Variants in PASK observed in about 807,000 individuals in gnomAD.
The protein encoded by PASK is PAS domain containing serine/threonine kinase, also known as PAS domain-containing serine/threonine-protein kinase.
In PASK, 110 loss-of-function variants were observed where a neutral mutation model predicts 121.0. The observed-to-expected ratio is 0.91, with a 90% CI of 0.78 to 1.06. The LOEUF (loss-of-function observed/expected upper bound fraction) is 1.06, where lower values mean the gene tolerates loss of function less well. Ranked by LOEUF, PASK falls within the 50% of genes least tolerant of loss-of-function variation. PASK has a pLI of 0.00. For synonymous variants in PASK, 686 were observed against 717.8 expected, an observed-to-expected ratio of 0.96 and a Z score of 0.71; for missense variants, 1,643 against 1,702.3, an observed-to-expected ratio of 0.97 and a Z score of 0.61.
chr2:241,123,841 A>C, intron 11 of PASK, 108 bp downstream of exon 11: 1 of 952,386 alleles, frequency 1.0e-6, no homozygotes, highest in East Asian at 2.6e-5. Context: ...AAAAAGCTAC[A>C]AACAGACTGT....
rs1244235315 is a variant in PASK at position 241,138,747 on chromosome 2, CCA to C, written c.646_647del (p.Trp216AspfsTer38). Reference sequence around the variant, plus strand: ...GGCGCTCCTGCCGCATCCTCTTCATCCACACAGACACTGGAATCTTCTCCCCA... The same window carrying C: ...GGCGCTCCTGCCGCATCCTCTTCATCCACAGACACTGGAATCTTCTCCCCA... ...RSGEKIPVSV[W>X]MKRMRQERRL... On this transcript the variant is annotated frameshift_variant, in exon 5 of 18. Coordinates refer to ENST00000234040, the MANE Select transcript of PASK (RefSeq NM_015148.4). LOFTEE classifies it high-confidence loss of function. The C allele has an allele frequency of 6.2e-7, 1 of 1,614,120 alleles. No individual in the cohort carries two copies. The highest frequency in any genetic ancestry group is 8.5e-7 in the Non-Finnish European group (1 of 1,179,976).
rs775645884 is a variant in PASK at position 241,108,189 on chromosome 2, G to A, written c.3645C>T (p.His1215=). The A allele has an allele frequency of 6.2e-7, 1 of 1,613,960 alleles. No individual in the cohort carries two copies. Among genetic ancestry groups the A allele is most frequent in the Non-Finnish European group, 8.5e-7 (1 of 1,180,006 alleles). The change falls in exon 16 of 18, where the codon CAC becomes CAT. Residue 1215 remains histidine (H), a synonymous_variant. Transcript: ENST00000234040. This position sits in a 1 kb window ranked among gnomAD's most constrained non-coding sequence, Gnocchi z 5.2. ...ELEETVEAAI[H]PPYLVSKELM... Reference sequence around the variant, plus strand: ...CACCTTTGGACACCAGGTATGGCGGGTGTATGGCAGCCTCCACGGTCTCCT... The same window carrying A: ...CACCTTTGGACACCAGGTATGGCGGATGTATGGCAGCCTCCACGGTCTCCT...
Position 241,125,397 on chromosome 2 carries a change from G to A in PASK, c.2719+799C>T, listed in dbSNP as rs536441757. On this transcript the variant is annotated intron_variant, in intron 10 of 17. Coordinates refer to ENST00000234040, the MANE Select transcript of PASK (RefSeq NM_015148.4). The stretch of plus-strand genomic sequence containing the variant: ...GGGCGGATCACGACGTCAGGAGAAC[G>A]AGACCATCCTGGCTAACACAGTGAA... 2.0e-3 allele frequency among the ~76,000 whole-genome samples: 307 copies of A among 151,684 alleles called. 2 individuals carry two copies. The highest frequency in any genetic ancestry group is 0.014 in the Middle Eastern group (4 of 294).
At position 241,142,828 on chromosome 2, in the gene PASK, G is replaced by A; in HGVS notation, c.196+9C>T. On this transcript the variant is annotated intron_variant, in intron 2 of 17. Transcript: ENST00000234040. ...CGCGCTAAGGCCTGCAGTGGTCGAA[G>A]GTCATTACCAGAGAGCGCTGTCCTG... 6.2e-7 allele frequency: 1 copy of A among 1,602,034 alleles called. No individual in the cohort carries two copies. Among genetic ancestry groups the A allele is most frequent in the East Asian group, 2.2e-5 (1 of 44,798 alleles).
rs2065152351 is a variant in PASK, at chr2:241,112,541, C to T, written c.3334-102G>A. The T allele has an allele frequency of 1.4e-6, 1 of 731,638 alleles. No individual in the cohort carries two copies. The highest frequency in any genetic ancestry group is 1.8e-5 in the African/African-American group (1 of 55,736). 45.3% of individuals were successfully genotyped at this position (731,638 alleles called of 1,614,324 possible). ...AAAAAAAACACAAAGAAAAAATAAA[C>T]CTCCGACTCATAATGAACTGGGGAC... is the stretch of plus-strand genomic sequence containing the variant. On this transcript the variant is annotated intron_variant, in intron 14 of 17. Coordinates refer to ENST00000234040, the MANE Select transcript of PASK (RefSeq NM_015148.4). The surrounding 1 kb of genome is among the most constrained non-coding windows in gnomAD (Gnocchi z 5.2).
At chr2:241,115,617 A>C (rs201563314) in intron 12 of PASK, among the ~76,000 whole-genome samples, 1,006 of 59,934 alleles carry the variant, frequency 0.017, 8 homozygotes, top group African/African-American at 0.064. Context: ...TACACCAGGG[A>C]CACCCAGTCC....
At chr2:241,148,653 G>A (rs924575072) in intron 1 of PASK, among the ~76,000 whole-genome samples, 3 of 152,244 alleles carry the variant, frequency 2.0e-5, no homozygotes, top group African/African-American at 7.2e-5. Context: ...ATGCTTAGGA[G>A]TAACATGGCC....
chr2:241,137,876 T>A (rs2125448188), intron 6 of PASK, 77 bp downstream of exon 6: 2 of 1,534,214 alleles, frequency 1.3e-6, no homozygotes, highest in Non-Finnish European at 1.8e-6. Flanking sequence ...CAGAAACCCT[T>A]GGTCTGCGTC....
chr2:241,139,929 G>A lies in PASK; in HGVS notation c.556C>T (p.His186Tyr), dbSNP rs772035971. The A allele has an allele frequency of 6.2e-7, 1 of 1,614,164 alleles. No homozygotes were observed. Among genetic ancestry groups the A allele is most frequent in the Non-Finnish European group, 8.5e-7 (1 of 1,180,002 alleles). ...SDVVEALSEE[H>Y]MEADGHAAVV... ...GCAGCGTGGCCGTCGGCCTCCATGT[G>A]CTCCTCGCTGAGGGCCTCCACCACA... The change falls in exon 4 of 18, where the codon CAC becomes TAC. Residue 186 changes from histidine (H) to tyrosine (Y), a missense_variant. Around this residue, in one of 3 missense-constraint regions of PASK, gnomAD observed 1,176 missense variants for 1,162.2 expected, o/e 1.01. Coordinates refer to ENST00000234040, the MANE Select transcript of PASK (RefSeq NM_015148.4).
intron 1 of PASK, among the ~76,000 whole-genome samples, chr2:241,147,697 T>G (rs1233371350): frequency 6.6e-6 from 1 of 152,026 alleles, no homozygotes; most frequent in African/African-American, 2.4e-5. Flanking sequence ...TTTGTAAAAG[T>G]AACTAACATG....
chr2:241,147,827 T>C (rs903328910), intron 1 of PASK, among the ~76,000 whole-genome samples: 2 of 151,828 alleles, frequency 1.3e-5, no homozygotes, highest in Non-Finnish European at 2.9e-5. Context: ...TTACTGAGAG[T>C]TACAAGCCTA....
chr2:241,138,903 A>G lies in PASK; in HGVS notation c.601-109T>C, dbSNP rs1052556815. On this transcript the variant is annotated intron_variant, in intron 4 of 17. Transcript: ENST00000234040. ...AACTCCAGGCACTGCAACGTTTTCA[A>G]CTTCTGCTTACCTGATTTTCATTTC... The G allele has an allele frequency of 3.1e-5, 31 of 995,028 alleles. No individual in the cohort carries two copies. In the African/African-American group the frequency reaches 3.6e-4, roughly 12 times the overall value. 61.6% of individuals were successfully genotyped at this position (995,028 alleles called of 1,614,324 possible).
chr2:241,126,730 C>T lies in PASK; in HGVS notation c.2185G>A (p.Val729Met). The T allele has an allele frequency of 5.0e-6, 8 of 1,614,184 alleles. No homozygotes were observed. The highest frequency in any genetic ancestry group is 6.8e-6 in the Non-Finnish European group (8 of 1,180,046). ...TTCACATCAACCTCCTGGGCCTCCACTGCTTCCAGGCCCCCAGGGAGGTCC... is the reference window on the plus strand; with the variant it reads ...TTCACATCAACCTCCTGGGCCTCCATTGCTTCCAGGCCCCCAGGGAGGTCC... The part of the protein sequence containing the change: ...ATDLPGGLEA[V>M]EAQEVDVNSF... Residue 729 changes from valine to methionine, a missense_variant, in exon 10 of 18, where the codon GTG (valine) becomes ATG (methionine). This residue lies in a region of PASK where 1,176 missense variants were observed against 1,162.2 expected (regional missense o/e 1.01). Coordinates refer to ENST00000234040, the MANE Select transcript of PASK (RefSeq NM_015148.4).
At chr2:241,110,659 C>T (rs911106744) in intron 15 of PASK, among the ~76,000 whole-genome samples, 5 of 152,180 alleles carry the variant, frequency 3.3e-5, no homozygotes, top group African/African-American at 7.2e-5. Flanking sequence ...CCCCTGCACC[C>T]TCCCCAAGCT....
intron 1 of PASK, among the ~76,000 whole-genome samples, chr2:241,148,405 C>A (rs531657812): frequency 2.0e-5 from 3 of 152,332 alleles, no homozygotes; most frequent in South Asian, 4.1e-4. Context: ...ATGAGGCCAA[C>A]AAGGTGAACA....
intron 12 of PASK, among the ~76,000 whole-genome samples, chr2:241,118,562 T>C (rs1357627804): frequency 6.9e-6 from 1 of 145,074 alleles, no homozygotes; most frequent in East Asian, 1.9e-4. Flanking sequence ...AAGACTTACA[T>C]GTAAAATCTA....
intron 1 of PASK, among the ~76,000 whole-genome samples, chr2:241,143,976 C>T (rs1230247692): frequency 6.6e-6 from 1 of 152,238 alleles, no homozygotes; most frequent in Admixed American, 6.5e-5. Flanking sequence ...ACATACTCTT[C>T]CGAGTTCCCT....
At chr2:241,123,728 G>A (rs1478618522) in intron 11 of PASK, among the ~76,000 whole-genome samples, 2 of 151,416 alleles carry the variant, frequency 1.3e-5, no homozygotes, top group South Asian at 2.1e-4. Context: ...TGAGGCGGGC[G>A]AATCACTTGA....
intron 1 of PASK, 36 bp from the exon 2 acceptor site, chr2:241,143,110 T>A (rs776648026): frequency 7.0e-5 from 75 of 1,074,516 alleles, no homozygotes; most frequent in Non-Finnish European, 1.0e-4. Flanking sequence ...ACATCTGCAA[T>A]GCAAAAACAC....
Sources: gnomAD v4.1 joint callset for allele counts (sites outside exome capture counted in the v4.1 genomes callset) on GRCh38, gnomAD v4.1.1 for gene constraint, gnomAD v4.1.1 regional missense constraint, Gnocchi (gnomAD v3.1) non-coding constraint, MANE v1.5 for transcripts, NCBI Gene and HGNC (gene_info 2026-07-23, HGNC 2026-07-21) for gene names.